The following CRTAC1 variants were observed in gnomAD, a reference collection of about 807,000 sequenced individuals.
CRTAC1 encodes the protein cartilage acidic protein 1, also known as acidic secreted protein in cartilage.
A neutral mutation model predicts 67.8 loss-of-function variants in CRTAC1; 37 were observed. That is an observed-to-expected ratio of 0.55 (90% CI 0.42 to 0.72). The LOEUF (loss-of-function observed/expected upper bound fraction) is 0.72. CRTAC1 is among the 30% of genes least tolerant of loss of function. CRTAC1 has a pLI of 0.00. For missense variants in CRTAC1, 780 were observed against 931.6 expected, an observed-to-expected ratio of 0.84 and a Z score of 2.12; for synonymous variants, 348 against 371.0, an observed-to-expected ratio of 0.94 and a Z score of 0.71.
At chr10:97,897,357 C>T (rs564865183) in intron 8 of CRTAC1, among the ~76,000 whole-genome samples, 1 of 152,308 alleles carries the variant, frequency 6.6e-6, no homozygotes, top group East Asian at 1.9e-4. Context: ...CAGGGTTTAA[C>T]CCCACTCAAT....
In CRTAC1 at chr10:98,029,500, G is replaced by A. The variant is rs1183948568; in HGVS notation, c.24+949C>T. 7.1e-6 allele frequency among the ~76,000 whole-genome samples: 1 copy of A among 140,256 alleles called. No homozygotes were observed. Among genetic ancestry groups the A allele is most frequent in the African/African-American group, 3.1e-5 (1 of 32,394 alleles). The allele number at this position is 140,256 out of a possible 152,430, so 92.0% of individuals were successfully genotyped here. On this transcript the variant is annotated intron_variant, in intron 1 of 14. Transcript: ENST00000370597. The surrounding 1 kb of genome is among the most constrained non-coding windows in gnomAD (Gnocchi z 4.7). Reference sequence around the variant, plus strand: ...ACCCACCAGCAGCAGCAGCGGCGGCGGCGGCGGCGGCGGCGGCGGCGGCGG... The same window carrying A: ...ACCCACCAGCAGCAGCAGCGGCGGCAGCGGCGGCGGCGGCGGCGGCGGCGG...
rs10586431 is a variant in CRTAC1 at position 97,918,795 on chromosome 10, G to GT, written c.559-1140dup. 2.2e-3 allele frequency among the ~76,000 whole-genome samples: 325 copies of GT among 146,804 alleles called. 4 individuals carry two copies. Among genetic ancestry groups the GT allele is most frequent in the African/African-American group, 7.7e-3 (305 of 39,656 alleles). On this transcript the variant is annotated intron_variant, in intron 4 of 14. Transcript: ENST00000370597. The stretch of plus-strand genomic sequence containing the variant: ...CTTTGTGGGTTTTTTGGTGTTTTTT[G>GT]TTTTTTTTTTTTGGGTCTCACTCTG...
chr10:97,998,705 T>C (rs758089670), intron 2 of CRTAC1, among the ~76,000 whole-genome samples: 11 of 151,466 alleles, frequency 7.3e-5, no homozygotes, highest in Admixed American at 2.0e-4. Context: ...AGCAATAAAA[T>C]GGTAAAAAAA....
At position 98,024,746 on chromosome 10, in the gene CRTAC1, C is replaced by CTT. The variant is rs749919406; in HGVS notation, c.24+5701_24+5702dup. Among the ~76,000 whole-genome samples, 273 of 65,042 alleles carry CTT rather than the reference C, an allele frequency of 4.2e-3. 88 individuals are homozygous for CTT. The highest frequency in any genetic ancestry group is 7.4e-3 in the African/African-American group (140 of 18,798). 42.7% of individuals were successfully genotyped at this position (65,042 alleles called of 152,430 possible). A position where few individuals can be genotyped will look rare whatever the true frequency, so the allele number is the denominator to read the frequency against. ...CTCTAAAGAGAATGATTATATTATC[C>CTT]TTTTTTTTTTTTTTTTTTTTTTTTT... is the stretch of plus-strand genomic sequence containing the variant. On this transcript the variant is annotated intron_variant, in intron 1 of 14. Transcript: ENST00000370597.
At chr10:97,889,592 G>C (rs920294807) in intron 11 of CRTAC1, among the ~76,000 whole-genome samples, 3 of 152,102 alleles carry the variant, frequency 2.0e-5, no homozygotes, top group African/African-American at 7.2e-5. Flanking sequence ...GAGGTGGGGA[G>C]TACAGGTGAG....
intron 1 of CRTAC1, among the ~76,000 whole-genome samples, chr10:98,025,299 C>T (rs1419223158): frequency 6.6e-6 from 1 of 152,166 alleles, no homozygotes; most frequent in Non-Finnish European, 1.5e-5. Context: ...GTAGGATGTT[C>T]AGCAGCATCC....
At chr10:97,989,101 C>G (rs1011852811) in intron 2 of CRTAC1, among the ~76,000 whole-genome samples, 1 of 152,218 alleles carries the variant, frequency 6.6e-6, no homozygotes, top group African/African-American at 2.4e-5. Flanking sequence ...TGCCCTGGAA[C>G]TGGGATTTAC....
chr10:97,919,041 GCCTC>G (rs1564894198), intron 4 of CRTAC1, among the ~76,000 whole-genome samples: 18 of 140,964 alleles, frequency 1.3e-4, no homozygotes, highest in African/African-American at 4.9e-4. Context: ...ACCCCCCCCC[GCCTC>G]AGCCTCCCAA....
At position 97,940,940 on chromosome 10, in the gene CRTAC1, C is replaced by T. The variant is rs28710217; in HGVS notation, c.225-4574G>A. On this transcript the variant is annotated intron_variant, in intron 2 of 14. Coordinates refer to ENST00000370597, the MANE Select transcript of CRTAC1 (RefSeq NM_018058.7). ...ATTTCCAAACACACTCCAGCATTTC[C>T]TGTCCCCAAACATCCCGCCCTCGGT... is the stretch of plus-strand genomic sequence containing the variant. Among the ~76,000 whole-genome samples the T allele has an allele frequency of 4.1e-3, 628 of 152,328 alleles. 3 individuals are homozygous for T. Among genetic ancestry groups the T allele is most frequent in the African/African-American group, 0.014 (568 of 41,568 alleles).
intron 6 of CRTAC1, among the ~76,000 whole-genome samples, chr10:97,907,053 C>A (rs35689914): frequency 0.15 from 23,395 of 152,152 alleles, 1,949 homozygotes; most frequent in South Asian, 0.2. Flanking sequence ...TCAGGGGTGC[C>A]TGGGATGCAA....
At chr10:97,934,155 C>T (rs2051045470) in intron 3 of CRTAC1, among the ~76,000 whole-genome samples, 3 of 152,196 alleles carry the variant, frequency 2.0e-5, no homozygotes, top group African/African-American at 4.8e-5. Context: ...CTCCTCGCTC[C>T]AGCTTCCAGG....
intron 1 of CRTAC1, among the ~76,000 whole-genome samples, chr10:98,021,240 C>A (rs1436832559): frequency 6.6e-6 from 1 of 152,168 alleles, no homozygotes; most frequent in Non-Finnish European, 1.5e-5. Context: ...CCCTACCCCC[C>A]AGAAGGTGGC....
intron 5 of CRTAC1, among the ~76,000 whole-genome samples, chr10:97,913,285 C>A (rs1448852904): frequency 6.6e-6 from 1 of 152,098 alleles, no homozygotes; most frequent in Non-Finnish European, 1.5e-5. Context: ...CTTCTGGGAG[C>A]CTTCAGAGCC....
At chr10:98,011,402 A>T in intron 1 of CRTAC1, 65 bp from the exon 2 acceptor site, 1 of 1,591,162 alleles carries the variant, frequency 6.3e-7, no homozygotes, top group Non-Finnish European at 8.6e-7. Context: ...GGAACATTAA[A>T]GTCCTGGGTA....
At chr10:97,897,144 G>T (rs998344903) in intron 8 of CRTAC1, among the ~76,000 whole-genome samples, 153 bp from the exon 9 acceptor site, 1 of 152,142 alleles carries the variant, frequency 6.6e-6, no homozygotes, top group Non-Finnish European at 1.5e-5. Flanking sequence ...CTGCTCCCAG[G>T]CCCTGCCTAT....
At position 98,024,296 on chromosome 10, in the gene CRTAC1, A is replaced by G. The variant is rs543469053; in HGVS notation, c.24+6153T>C. The stretch of plus-strand genomic sequence containing the variant: ...TCATTTTATACTCTCTGCACTCTCA[A>G]TTCTTCCATAGCTAATTAAAGTAAT... On this transcript the variant is annotated intron_variant, in intron 1 of 14. Transcript: ENST00000370597. 1.4e-4 allele frequency among the ~76,000 whole-genome samples: 21 copies of G among 152,370 alleles called. 1 individual carries two copies. Among genetic ancestry groups the G allele is most frequent in the African/African-American group, 5.0e-4 (21 of 41,598 alleles).
At chr10:97,906,699 A>G (rs2050617308) in intron 6 of CRTAC1, among the ~76,000 whole-genome samples, 3 of 152,168 alleles carry the variant, frequency 2.0e-5, no homozygotes, top group Admixed American at 2.0e-4. Context: ...GGGGAGTCCA[A>G]CTTCTGCCTT....
intron 12 of CRTAC1, among the ~76,000 whole-genome samples, chr10:97,883,437 G>T (rs1374776411): frequency 6.6e-6 from 1 of 152,230 alleles, no homozygotes; most frequent in African/African-American, 2.4e-5. Context: ...GCAGCCTGGG[G>T]TGGGGCAGGG....
intron 4 of CRTAC1, 61 bp downstream of exon 4, chr10:97,923,203 T>C: frequency 6.2e-7 from 1 of 1,603,524 alleles, no homozygotes. Context: ...GTCTACACAG[T>C]GGCTCCTCTC....
Sources: gnomAD v4.1 joint callset for allele counts (sites outside exome capture counted in the v4.1 genomes callset) on GRCh38, gnomAD v4.1.1 for gene constraint, Gnocchi (gnomAD v3.1) non-coding constraint, MANE v1.5 for transcripts, NCBI Gene and HGNC (gene_info 2026-07-23, HGNC 2026-07-21) for gene names.